Variants in ZNF304 observed in about 807,000 individuals in gnomAD.
ZNF304 encodes KRAB-containing zinc finger protein.
A neutral mutation model predicts 7.8 loss-of-function variants in ZNF304; 7 were observed. The observed-to-expected ratio is 0.90, with a 90% CI of 0.51 to 1.69. The LOEUF is 1.69. Among genes scored for constraint, ZNF304 ranks in the 40% most tolerant of loss-of-function variants. The probability of loss-of-function intolerance (pLI) is 0.00; values close to 1 mark genes in which losing one functional copy is unlikely to be tolerated. For synonymous variants in ZNF304, 280 were observed against 272.4 expected, an observed-to-expected ratio of 1.03 and a Z score of -0.27; for missense variants, 669 against 804.8, an observed-to-expected ratio of 0.83 and a Z score of 2.04.
At position 57,351,470 on chromosome 19, in the gene ZNF304, G is replaced by A; in HGVS notation, c.-195G>A. ...TCTCGCGGAGGTGTCTGCCGGGGCTGGGCTCTTACCGAGGCCTCCACACAC... is the reference window on the plus strand; with the variant it reads ...TCTCGCGGAGGTGTCTGCCGGGGCTAGGCTCTTACCGAGGCCTCCACACAC... On this transcript the variant is annotated 5_prime_UTR_variant, in exon 1 of 3. An upstream open reading frame in the 5' UTR gains an earlier in-frame stop. Transcript: ENST00000282286. This position sits in a 1 kb window ranked among gnomAD's most constrained non-coding sequence, Gnocchi z 4.1. The A allele has an allele frequency of 1.6e-6, 1 of 624,968 alleles. No homozygotes were observed. The highest frequency in any genetic ancestry group is 1.9e-5 in the South Asian group (1 of 52,302). The allele number at this position is 624,968 out of a possible 1,614,324, so 38.7% of individuals were successfully genotyped here. A position where few individuals can be genotyped will look rare whatever the true frequency, so the allele number is the denominator to read the frequency against.
At position 57,351,494 on chromosome 19, in the gene ZNF304, A is replaced by G; in HGVS notation, c.-171A>G. On this transcript the variant is annotated 5_prime_UTR_variant, in exon 1 of 3. Coordinates refer to ENST00000282286, the MANE Select transcript of ZNF304 (RefSeq NM_020657.4). The surrounding 1 kb of genome is among the most constrained non-coding windows in gnomAD (Gnocchi z 4.1). ...TGGGCTCTTACCGAGGCCTCCACAC[A>G]CGTCCTCTTGTCCTTGTCTCCCCCA... The G allele has an allele frequency of 4.0e-6, 3 of 758,566 alleles. No individual in the cohort carries two copies. In the South Asian group the frequency reaches 5.0e-5, roughly 13 times the overall value. The allele number at this position is 758,566 out of a possible 1,614,324, so 47.0% of individuals were successfully genotyped here.
chr19:57,356,668 A>G lies in ZNF304; in HGVS notation c.799A>G (p.Ile267Val), dbSNP rs145443766. ...GNVFKEKSAL[I>V]NHRKIHSGEI... is the part of the protein sequence containing the mutation. ...TGTGTTCAAGGAGAAATCAGCTCTT[A>G]TTAATCACAGAAAAATCCACAGTGG... The change falls in exon 3 of 3, where the codon ATT becomes GTT. Residue 267 changes from isoleucine to valine, a missense_variant. Coordinates refer to ENST00000282286, the MANE Select transcript of ZNF304 (RefSeq NM_020657.4). 92 of 1,614,140 alleles carry G rather than the reference A, an allele frequency of 5.7e-5. No homozygotes were observed. Among genetic ancestry groups the G allele is most frequent in the Admixed American group, 1.3e-4 (8 of 60,010 alleles).
chr19:57,357,119 G>A lies in ZNF304; in HGVS notation c.1250G>A (p.Arg417Lys). The A allele has an allele frequency of 6.2e-7, 1 of 1,613,152 alleles. No individual in the cohort carries two copies. The highest frequency in any genetic ancestry group is 8.5e-7 in the Non-Finnish European group (1 of 1,179,440). ...CACTGGAGAATTCATACCGGGGCAA[G>A]GCCCTATGAATGCATAGAATGTGGA... is the stretch of plus-strand genomic sequence containing the variant. ...IEHWRIHTGARPYECIECGKF... is the reference protein window; with the variant it reads ...IEHWRIHTGAKPYECIECGKF... The change falls in exon 3 of 3, where the codon AGG becomes AAG. Residue 417 changes from arginine (R) to lysine (K), a missense_variant. Transcript: ENST00000282286.
rs2088397719 is a variant in ZNF304, at chr19:57,359,745, A to G, written c.*1896A>G. On this transcript the variant is annotated 3_prime_UTR_variant, in exon 3 of 3. Transcript: ENST00000282286. ...GTTAATCCATTATCTTGTTGCATGA[A>G]TCAATTGTTTGCTCATTTGTATTGC... 6.6e-6 allele frequency: 1 copy of G among 152,246 alleles called. No individual in the cohort carries two copies. The highest frequency in any genetic ancestry group is 2.1e-4 in the South Asian group (1 of 4,834). The allele number at this position is 152,246 out of a possible 1,614,324, so 9.4% of individuals were successfully genotyped here. A position where few individuals can be genotyped will look rare whatever the true frequency, so the allele number is the denominator to read the frequency against.
Position 57,351,811 on chromosome 19 carries a change from G to T in ZNF304, c.33+114G>T. 1 of 1,194,204 alleles carries T rather than the reference G, an allele frequency of 8.4e-7. No homozygotes were observed. The allele number at this position is 1,194,204 out of a possible 1,614,324, so 74.0% of individuals were successfully genotyped here. A position where few individuals can be genotyped will look rare whatever the true frequency, so the allele number is the denominator to read the frequency against. On this transcript the variant is annotated intron_variant, in intron 1 of 2. Transcript: ENST00000282286. The surrounding 1 kb of genome is among the most constrained non-coding windows in gnomAD (Gnocchi z 4.1). The stretch of plus-strand genomic sequence containing the variant: ...CCGTCGCATTATGTGGAGGGGTTCC[G>T]CTCCCCTCATCAGTGGCATAAGGTG...
chr19:57,356,545 G>A lies in ZNF304; in HGVS notation c.676G>A (p.Gly226Ser), dbSNP rs781503581. The A allele has an allele frequency of 6.2e-6, 10 of 1,614,018 alleles. No individual in the cohort carries two copies. The highest frequency in any genetic ancestry group is 2.2e-5 in the East Asian group (1 of 44,890). ...DYDGQMLFSCGDEGKAFLDTF... is the reference protein window; with the variant it reads ...DYDGQMLFSCSDEGKAFLDTF... ...TGATGGACAGATGCTTTTCAGTTGC[G>A]GTGATGAAGGGAAAGCCTTCCTGGA... The change falls in exon 3 of 3, where the codon GGT (glycine) becomes AGT (serine). Residue 226 changes from glycine to serine, a missense_variant. Gly to Ser is a moderately conservative substitution (Grantham distance 56, BLOSUM62 0). Transcript: ENST00000282286.
chr19:57,352,451 G>A (rs2088287176), intron 1 of ZNF304, among the ~76,000 whole-genome samples: 1 of 152,326 alleles, frequency 6.6e-6, no homozygotes, highest in South Asian at 2.1e-4. Flanking sequence ...GAACAGGTAC[G>A]CTCAAATGCT....
Position 57,356,663 on chromosome 19 carries a change from C to G in ZNF304, c.794C>G (p.Ala265Gly), listed in dbSNP as rs2088345791. Reference sequence around the variant, plus strand: ...GGAAATGTGTTCAAGGAGAAATCAGCTCTTATTAATCACAGAAAAATCCAC... The same window carrying G: ...GGAAATGTGTTCAAGGAGAAATCAGGTCTTATTAATCACAGAAAAATCCAC... ...PCGNVFKEKS[A>G]LINHRKIHSG... The change falls in exon 3 of 3, where the codon GCT (alanine) becomes GGT (glycine). Residue 265 changes from alanine to glycine, a missense_variant. Physicochemically the swap from Ala to Gly is moderately conservative, Grantham distance 60. Coordinates refer to ENST00000282286, the MANE Select transcript of ZNF304 (RefSeq NM_020657.4). The G allele has an allele frequency of 6.2e-7, 1 of 1,614,108 alleles. No individual in the cohort carries two copies. Among genetic ancestry groups the G allele is most frequent in the Non-Finnish European group, 8.5e-7 (1 of 1,180,058 alleles).
rs1441307418 is a variant in ZNF304, at chr19:57,356,224, CGTG to C, written c.357_359del (p.Gly120del). 1.2e-6 allele frequency: 2 copies of C among 1,614,196 alleles called. No homozygotes were observed. Among genetic ancestry groups the C allele is most frequent in the Non-Finnish European group, 1.7e-6 (2 of 1,180,036 alleles). ...ACACCTTACACAGAAACTGTGCACA[CGTG>C]GGCTGTGTAGGAGAAGATTCTCGTT... is the stretch of plus-strand genomic sequence containing the variant. On this transcript the variant is annotated inframe_deletion, in exon 3 of 3. Coordinates refer to ENST00000282286, the MANE Select transcript of ZNF304 (RefSeq NM_020657.4).
chr19:57,355,472 T>C (rs1000872622), intron 2 of ZNF304: 4 of 700,748 alleles, frequency 5.7e-6, no homozygotes, highest in Non-Finnish European at 1.0e-5. Context: ...GTCAGTGTTT[T>C]GTTGCCAAGG....
At chr19:57,353,405 G>C (rs2088299069) in intron 1 of ZNF304, among the ~76,000 whole-genome samples, 1 of 152,194 alleles carries the variant, frequency 6.6e-6, no homozygotes, top group Admixed American at 6.5e-5. Flanking sequence ...GCTGAAGTTT[G>C]GTTGTGTTTA....
intron 1 of ZNF304, chr19:57,352,783 A>G (rs1171524864): frequency 6.6e-6 from 1 of 152,224 alleles, no homozygotes; most frequent in East Asian, 1.9e-4. Context: ...GGGTGATTGG[A>G]TTTTTTGATG....
chr19:57,355,652 CA>C (rs1197547923), intron 2 of ZNF304, among the ~76,000 whole-genome samples: 1 of 152,172 alleles, frequency 6.6e-6, no homozygotes, highest in Non-Finnish European at 1.5e-5. Flanking sequence ...GAGTTCTGCA[CA>C]TTAAATAGTC....
chr19:57,353,971 A>G, intron 2 of ZNF304, 120 bp downstream of exon 2: 1 of 810,240 alleles, frequency 1.2e-6, no homozygotes, highest in African/African-American at 1.8e-5. Flanking sequence ...TGGTTAGAGC[A>G]TTTTTTGTTG....
Position 57,357,258 on chromosome 19 carries a change from T to G in ZNF304, c.1389T>G (p.Val463=). The part of the protein sequence containing the change: ...GKAFGCKDTL[V]QHQIIHTGAR... ...CCTTTGGCTGCAAAGACACACTTGTTCAGCACCAGATAATTCACACTGGAG... is the reference window on the plus strand; with the variant it reads ...CCTTTGGCTGCAAAGACACACTTGTGCAGCACCAGATAATTCACACTGGAG... The change falls in exon 3 of 3, where the codon GTT becomes GTG. Residue 463 remains valine, a synonymous_variant. Transcript: ENST00000282286. The G allele has an allele frequency of 6.2e-7, 1 of 1,614,126 alleles. No homozygotes were observed. The highest frequency in any genetic ancestry group is 8.5e-7 in the Non-Finnish European group (1 of 1,180,024).
In ZNF304 at chr19:57,357,414, C is replaced by T. The variant is rs2088360171; in HGVS notation, c.1545C>T (p.Ser515=). The part of the protein sequence containing the change: ...CGECGKFFSH[S]SNLIVHQRIH... Reference sequence around the variant, plus strand: ...AATGTGGTAAATTCTTCAGCCATAGCTCCAACCTTATTGTACACCAGAGAA... The same window carrying T: ...AATGTGGTAAATTCTTCAGCCATAGTTCCAACCTTATTGTACACCAGAGAA... The change falls in exon 3 of 3, where the codon AGC becomes AGT. Residue 515 remains serine, a synonymous_variant. Transcript: ENST00000282286. The T allele has an allele frequency of 6.2e-7, 1 of 1,613,920 alleles. No individual in the cohort carries two copies. Among genetic ancestry groups the T allele is most frequent in the Admixed American group, 1.7e-5 (1 of 59,982 alleles).
chr19:57,356,091 G>A lies in ZNF304; in HGVS notation c.222G>A (p.Val74=). The A allele has an allele frequency of 6.2e-7, 1 of 1,614,206 alleles. No homozygotes were observed. Among genetic ancestry groups the A allele is most frequent in the Non-Finnish European group, 8.5e-7 (1 of 1,180,022 alleles). The change falls in exon 3 of 3, where the codon GTG becomes GTA. Residue 74 remains valine, a synonymous_variant. Coordinates refer to ENST00000282286, the MANE Select transcript of ZNF304 (RefSeq NM_020657.4). ...PSEQSVSVEG[V]SQVRTAESGL... Reference sequence around the variant, plus strand: ...AGCAGAGCGTTTCTGTAGAAGGAGTGTCACAGGTCAGGACTGCTGAGTCAG... The same window carrying A: ...AGCAGAGCGTTTCTGTAGAAGGAGTATCACAGGTCAGGACTGCTGAGTCAG...
At position 57,351,505 on chromosome 19, in the gene ZNF304, T is replaced by C; in HGVS notation, c.-160T>C. On this transcript the variant is annotated 5_prime_UTR_variant, in exon 1 of 3. Coordinates refer to ENST00000282286, the MANE Select transcript of ZNF304 (RefSeq NM_020657.4). This position sits in a 1 kb window ranked among gnomAD's most constrained non-coding sequence, Gnocchi z 4.1. ...CGAGGCCTCCACACACGTCCTCTTGTCCTTGTCTCCCCCAGAAGCAGCCGC... is the reference window on the plus strand; with the variant it reads ...CGAGGCCTCCACACACGTCCTCTTGCCCTTGTCTCCCCCAGAAGCAGCCGC... The C allele has an allele frequency of 2.3e-6, 2 of 855,920 alleles. No homozygotes were observed. The highest frequency in any genetic ancestry group is 3.7e-6 in the Non-Finnish European group (2 of 533,622). 53.0% of individuals were successfully genotyped at this position (855,920 alleles called of 1,614,324 possible).
At position 57,351,637 on chromosome 19, in the gene ZNF304, CAG is replaced by C. The variant is rs1384170355; in HGVS notation, c.-27_-26del. On this transcript the variant is annotated 5_prime_UTR_variant, in exon 1 of 3. Coordinates refer to ENST00000282286, the MANE Select transcript of ZNF304 (RefSeq NM_020657.4). This position sits in a 1 kb window ranked among gnomAD's most constrained non-coding sequence, Gnocchi z 4.1. ...AGGCGTGGGGTTTCGGCTGAGCCCACAGGGCACAGACTGTTCATCCGCTTCTC... is the reference window on the plus strand; with the variant it reads ...AGGCGTGGGGTTTCGGCTGAGCCCACGGCACAGACTGTTCATCCGCTTCTC... The C allele has an allele frequency of 1.9e-6, 3 of 1,613,136 alleles. No homozygotes were observed. The highest frequency in any genetic ancestry group is 1.7e-5 in the Admixed American group (1 of 59,964).
Sources: allele counts gnomAD v4.1 joint callset (sites outside exome capture counted in the v4.1 genomes callset), GRCh38; gene constraint gnomAD v4.1.1; non-coding constraint Gnocchi (gnomAD v3.1); transcripts MANE v1.5; gene names NCBI Gene and HGNC (gene_info 2026-07-23, HGNC 2026-07-21).